The following DOCK7 variants were observed in gnomAD, a reference collection of about 807,000 sequenced individuals.
The protein encoded by DOCK7 is dedicator of cytokinesis protein 7.
A neutral mutation model predicts 271.0 loss-of-function variants in DOCK7; 138 were observed. That is an observed-to-expected ratio of 0.51 (90% CI 0.44 to 0.59). The LOEUF (loss-of-function observed/expected upper bound fraction) is 0.59. Ranked by LOEUF, DOCK7 falls within the 20% of genes least tolerant of loss-of-function variation. DOCK7 has a pLI of 0.00. For missense variants in DOCK7, 2,066 were observed against 2,592.4 expected (o/e 0.80, Z 4.41); for synonymous variants, 823 against 876.1 (o/e 0.94, Z 1.07).
At chr1:62,653,318 G>A (rs185317749) in intron 4 of DOCK7, among the ~76,000 whole-genome samples, 4 of 152,246 alleles carry the variant, frequency 2.6e-5, no homozygotes, top group African/African-American at 9.6e-5. Context: ...AGAAACAGCA[G>A]AGACCTTTCA....
intron 48 of DOCK7, among the ~76,000 whole-genome samples, chr1:62,465,037 T>C (rs1645636352): frequency 6.6e-6 from 1 of 152,142 alleles, no homozygotes; most frequent in South Asian, 2.1e-4. Flanking sequence ...CATGGCACCA[T>C]TTGTAGTAGA....
At chr1:62,459,627 C>T (rs958970587) in intron 48 of DOCK7, among the ~76,000 whole-genome samples, 3 of 151,860 alleles carry the variant, frequency 2.0e-5, no homozygotes, top group Admixed American at 6.6e-5. Flanking sequence ...ATCTGTTAAT[C>T]TAGATTAATA....
intron 14 of DOCK7, chr1:62,601,733 AC>A: frequency 7.3e-7 from 1 of 1,363,016 alleles, no homozygotes; most frequent in South Asian, 1.2e-5. Flanking sequence ...TATTCCTATT[AC>A]TAAATCTGAT....
intron 19 of DOCK7, among the ~76,000 whole-genome samples, chr1:62,560,187 G>A (rs899649729): frequency 5.9e-5 from 9 of 151,984 alleles, no homozygotes; most frequent in South Asian, 2.1e-4. Flanking sequence ...GCTGAGTCCC[G>A]TAAGTCCTCC....
At chr1:62,488,765 A>G (rs1646370366) in intron 42 of DOCK7, 169 bp downstream of exon 42, 1 of 828,464 alleles carries the variant, frequency 1.2e-6, no homozygotes, top group East Asian at 2.8e-5. Context: ...ATTCATTTTT[A>G]TTGTTAATGA....
rs1653812565 is a variant in DOCK7 at position 62,625,373 on chromosome 1, C to T, written c.1311G>A (p.Arg437=). 3 of 1,613,086 alleles carry T rather than the reference C, an allele frequency of 1.9e-6. No individual in the cohort carries two copies. The highest frequency in any genetic ancestry group is 2.5e-6 in the Non-Finnish European group (3 of 1,179,406). ...ATCGTCTGCCAACAATACTAGAATT[C>T]CTCCTCTCTGACCAAGACCCTTTTC... ...GERKGSWSER[R]NSSIVGRRSL... is the part of the protein sequence containing the mutation. The change falls in exon 12 of 50, where the codon AGG becomes AGA. Residue 437 remains arginine, a synonymous_variant. Coordinates refer to ENST00000635253, the MANE Select transcript of DOCK7 (RefSeq NM_001367561.1).
Position 62,646,963 on chromosome 1 carries a change from G to A in DOCK7, c.818+728C>T, listed in dbSNP as rs187518680. ...AGTAAGAACTGATGTTAGGTGTCCT[G>A]TTATTCAAAAGATTCAATGCACTTA... is the stretch of plus-strand genomic sequence containing the variant. On this transcript the variant is annotated intron_variant, in intron 7 of 49. Transcript: ENST00000635253. 3.4e-4 allele frequency among the ~76,000 whole-genome samples: 52 copies of A among 152,298 alleles called. 1 individual carries two copies. The highest frequency in any genetic ancestry group is 3.4e-3 in the Admixed American group (52 of 15,288).
At position 62,504,699 on chromosome 1, in the gene DOCK7, G is replaced by A. The variant is rs761945131; in HGVS notation, c.4695C>T (p.Ile1565=). The A allele has an allele frequency of 1.4e-5, 22 of 1,613,978 alleles. No homozygotes were observed. The highest frequency in any genetic ancestry group is 4.4e-5 in the South Asian group (4 of 91,086). ...CACTGGCGTGTGACCGTATTGTACCGATGCTACTGCTACAGTGTCGGAGAA... is the reference window on the plus strand; with the variant it reads ...CACTGGCGTGTGACCGTATTGTACCAATGCTACTGCTACAGTGTCGGAGAA... ...LRLLRHCSSS[I]GTIRSHASAS... is the part of the protein sequence containing the mutation. Residue 1565 remains isoleucine, a synonymous_variant, in exon 37 of 50, where the codon ATC becomes ATT. Transcript: ENST00000635253.
chr1:62,558,849 C>A, intron 20 of DOCK7, 140 bp downstream of exon 20: 1 of 667,426 alleles, frequency 1.5e-6, no homozygotes, highest in Non-Finnish European at 2.4e-6. Context: ...GCATTATAAA[C>A]AAGTAAATAA....
At chr1:62,667,682 A>C (rs1659474323) in intron 1 of DOCK7, among the ~76,000 whole-genome samples, 1 of 152,042 alleles carries the variant, frequency 6.6e-6, no homozygotes, top group Non-Finnish European at 1.5e-5. Context: ...ACGTGACTGC[A>C]CTCCAGCCTA....
chr1:62,510,529 T>C, intron 34 of DOCK7, 48 bp downstream of exon 34: 1 of 1,420,460 alleles, frequency 7.0e-7, no homozygotes, highest in East Asian at 2.3e-5. Context: ...TCTTACATTT[T>C]AAAATTCAAC....
chr1:62,490,431 A>G (rs1232469850), intron 41 of DOCK7, among the ~76,000 whole-genome samples: 2 of 152,134 alleles, frequency 1.3e-5, no homozygotes, highest in Non-Finnish European at 2.9e-5. Flanking sequence ...TTGGTGCTGT[A>G]GTAAGAGAAG....
intron 1 of DOCK7, among the ~76,000 whole-genome samples, chr1:62,670,615 C>T (rs1321422730): frequency 3.9e-5 from 6 of 152,088 alleles, no homozygotes; most frequent in Non-Finnish European, 8.8e-5. Flanking sequence ...GTGCACCAAT[C>T]GACACTCTGT....
intron 48 of DOCK7, among the ~76,000 whole-genome samples, chr1:62,471,405 T>C (rs1009819616): frequency 3.9e-5 from 6 of 152,278 alleles, no homozygotes; most frequent in East Asian, 3.9e-4. Flanking sequence ...TTCTTCCCTG[T>C]AATCCTAGTA....
chr1:62,548,105 T>C (rs576862134), intron 22 of DOCK7, among the ~76,000 whole-genome samples: 2 of 151,402 alleles, frequency 1.3e-5, no homozygotes, highest in African/African-American at 2.4e-5. Flanking sequence ...GAACAAATAT[T>C]CCCTGCCACA....
intron 31 of DOCK7, among the ~76,000 whole-genome samples, chr1:62,525,476 T>C (rs1410695237): frequency 6.6e-6 from 1 of 152,176 alleles, no homozygotes; most frequent in Non-Finnish European, 1.5e-5. Context: ...TATTTTCTAA[T>C]GTTTTAAAAC....
intron 2 of DOCK7, among the ~76,000 whole-genome samples, chr1:62,655,425 C>CTTT (rs200798806): frequency 3.5e-5 from 3 of 86,330 alleles, no homozygotes; most frequent in African/African-American, 9.4e-5. Flanking sequence ...TTTTTCTTTT[C>CTTT]TTTTTTTTTT....
Position 62,663,013 on chromosome 1 carries a change from T to C in DOCK7, c.144+12A>G. The C allele has an allele frequency of 6.3e-7, 1 of 1,591,582 alleles. No individual in the cohort carries two copies. Among genetic ancestry groups the C allele is most frequent in the Non-Finnish European group, 8.6e-7 (1 of 1,162,228 alleles). ...CACCAAGAAGAGACTATATTTTGAA[T>C]ACGTTACTTACTGTGGTGTGATGGG... is the stretch of plus-strand genomic sequence containing the variant. On this transcript the variant is annotated intron_variant, in intron 2 of 49. Coordinates refer to ENST00000635253, the MANE Select transcript of DOCK7 (RefSeq NM_001367561.1).
chr1:62,507,607 A>C (rs540005930), intron 35 of DOCK7, among the ~76,000 whole-genome samples: 1 of 152,362 alleles, frequency 6.6e-6, no homozygotes, highest in South Asian at 2.1e-4. Flanking sequence ...TGGTATACAG[A>C]GGATACTGCA....
Sources: allele counts gnomAD v4.1 joint callset (sites outside exome capture counted in the v4.1 genomes callset), GRCh38; gene constraint gnomAD v4.1.1; transcripts MANE v1.5; gene names NCBI Gene and HGNC (gene_info 2026-07-23, HGNC 2026-07-21).